NPHP4: variants seen among roughly 807,000 people sequenced by gnomAD.
NPHP4 encodes the protein nephrocystin 4, also known as nephrocystin-4.
NPHP4 carries 151 observed loss-of-function variants against 155.8 expected under a neutral mutation model. The ratio of observed to expected loss-of-function variants is 0.97; its 90% confidence interval spans 0.85 to 1.11. NPHP4 has a LOEUF of 1.11. Among genes scored for constraint, NPHP4 ranks in the 50% least tolerant of loss-of-function variants. The pLI, the probability that NPHP4 is intolerant of heterozygous loss-of-function variation, is 0.00. For synonymous variants in NPHP4, 845 were observed against 816.8 expected (o/e 1.03, Z -0.59); for missense variants, 1,956 against 1,925.7 (o/e 1.02, Z -0.29).
intron 7 of NPHP4, among the ~76,000 whole-genome samples, chr1:5,950,474 T>C (rs1350895095): frequency 1.3e-5 from 2 of 152,186 alleles, no homozygotes; most frequent in African/African-American, 4.8e-5. Context: ...CAGCTCCAGG[T>C]AAGGGATCTT....
chr1:5,875,487 T>C (rs1239601829), intron 20 of NPHP4, among the ~76,000 whole-genome samples: 3 of 152,116 alleles, frequency 2.0e-5, no homozygotes, highest in East Asian at 1.9e-4. Flanking sequence ...CAACACAACT[T>C]TGGGAGCCCT....
intron 23 of NPHP4, among the ~76,000 whole-genome samples, chr1:5,870,096 A>G (rs1557602993): frequency 6.6e-6 from 1 of 152,238 alleles, no homozygotes; most frequent in African/African-American, 2.4e-5. Flanking sequence ...TACTGAGTAC[A>G]TCTAACGCTC....
At chr1:5,962,923 C>A (rs927269905) in intron 5 of NPHP4, among the ~76,000 whole-genome samples, 1 of 152,164 alleles carries the variant, frequency 6.6e-6, no homozygotes, top group South Asian at 2.1e-4. Context: ...CTTGCTCGGG[C>A]CTGATTTTCT....
rs1264962797 is a variant in NPHP4, at chr1:5,909,008, G to C, written c.1503+144C>G. ...CAGGCTGCACAGACAGGGTAGGAGGGGACAGCCCCGCCGCCGCCAGCAGGC... is the reference window on the plus strand; with the variant it reads ...CAGGCTGCACAGACAGGGTAGGAGGCGACAGCCCCGCCGCCGCCAGCAGGC... On this transcript the variant is annotated intron_variant, in intron 12 of 29. Coordinates refer to ENST00000378156, the MANE Select transcript of NPHP4 (RefSeq NM_015102.5). 10 of 732,134 alleles carry C rather than the reference G, an allele frequency of 1.4e-5. No homozygotes were observed. The East Asian group carries it at 2.7e-4, about 20-fold the overall frequency. The allele number at this position is 732,134 out of a possible 1,614,324, so 45.4% of individuals were successfully genotyped here.
rs1248417342 is a variant in NPHP4 at position 5,905,746 on chromosome 1, T to C, written c.1649A>G (p.Glu550Gly). ...FPLEAGISHLEADLSQTSLVL... is the reference protein window; with the variant it reads ...FPLEAGISHLGADLSQTSLVL... ...CAGGGAGGTCTGGCTCAGGTCGGCT[T>C]CCAGGTGGGAGATACCGGCCTCCAA... The change falls in exon 14 of 30, where the codon GAA (glutamate) becomes GGA (glycine). Residue 550 changes from glutamate to glycine, a missense_variant. Coordinates refer to ENST00000378156, the MANE Select transcript of NPHP4 (RefSeq NM_015102.5). This position sits in a 1 kb window ranked among gnomAD's most constrained non-coding sequence, Gnocchi z 4.0. 6.2e-7 allele frequency: 1 copy of C among 1,612,536 alleles called. No individual in the cohort carries two copies. Among genetic ancestry groups the C allele is most frequent in the South Asian group, 1.1e-5 (1 of 90,736 alleles).
At chr1:5,988,642 T>A (rs1040827066) in intron 1 of NPHP4, among the ~76,000 whole-genome samples, 1 of 152,276 alleles carries the variant, frequency 6.6e-6, no homozygotes, top group Non-Finnish European at 1.5e-5. Context: ...TAAAGGGATC[T>A]GAGACCAAAA....
chr1:5,916,068 AT>A (rs1458030014), intron 11 of NPHP4, among the ~76,000 whole-genome samples: 2 of 152,208 alleles, frequency 1.3e-5, no homozygotes, highest in Non-Finnish European at 2.9e-5. Flanking sequence ...TTTCAAATCT[AT>A]TAAGCAAACA....
In NPHP4 at chr1:5,880,178, G is replaced by C. The variant is rs2100735068; in HGVS notation, c.2547C>G (p.Val849=). The change falls in exon 19 of 30, where the codon GTC becomes GTG. Residue 849 remains valine (V), a synonymous_variant. Transcript: ENST00000378156. ...AGCGGCTGGCTCCATCGTTTGAGATGACCCGAGATCTGGACGGTGGCAATG... is the reference window on the plus strand; with the variant it reads ...AGCGGCTGGCTCCATCGTTTGAGATCACCCGAGATCTGGACGGTGGCAATG... ...CSTLPPSRSR[V]ISNDGASRFS... The C allele has an allele frequency of 1.2e-6, 2 of 1,613,670 alleles. No individual in the cohort carries two copies. The highest frequency in any genetic ancestry group is 2.2e-5 in the South Asian group (2 of 90,988).
chr1:5,867,595 A>T lies in NPHP4; in HGVS notation c.3472+145T>A. 1 of 792,872 alleles carries T rather than the reference A, an allele frequency of 1.3e-6. No homozygotes were observed. Among genetic ancestry groups the T allele is most frequent in the East Asian group, 2.7e-5 (1 of 37,182 alleles). 49.1% of individuals were successfully genotyped at this position (792,872 alleles called of 1,614,324 possible). A position where few individuals can be genotyped will look rare whatever the true frequency, so the allele number is the denominator to read the frequency against. On this transcript the variant is annotated intron_variant, in intron 24 of 29. Coordinates refer to ENST00000378156, the MANE Select transcript of NPHP4 (RefSeq NM_015102.5). The surrounding 1 kb of genome is among the most constrained non-coding windows in gnomAD (Gnocchi z 4.1). ...GGACACCGTTTCAAACCATAAAGGC[A>T]GGAGAGAGAATTCCCCAGGCCCCAC... is the stretch of plus-strand genomic sequence containing the variant.
chr1:5,969,107 G>A lies in NPHP4; in HGVS notation c.432C>T (p.Ile144=), dbSNP rs1466853849. The A allele has an allele frequency of 6.4e-7, 1 of 1,550,642 alleles. No homozygotes were observed. The highest frequency in any genetic ancestry group is 1.2e-5 in the South Asian group (1 of 84,030). ...RIFSNQPDSP[I]SASQDKRLRL... ...GGTACCTTTTGTCCTGGGAAGCAGA[G>A]ATAGGAGAGTCCGGCTGGTTGCTGA... Residue 144 remains isoleucine (I), a synonymous_variant, in exon 4 of 30, where the codon ATC becomes ATT. Coordinates refer to ENST00000378156, the MANE Select transcript of NPHP4 (RefSeq NM_015102.5).
chr1:5,905,454 A>C lies in NPHP4; in HGVS notation c.1793T>G (p.Met598Arg). ...SSAGQPSRASMVLLQSSGFPE... is the reference protein window; with the variant it reads ...SSAGQPSRASRVLLQSSGFPE... Reference sequence around the variant, plus strand: ...AAAGCCGGAGGACTGCAGGAGCACCATGGAGGCTCTCGAGGGCTGCCCTGC... The same window carrying C: ...AAAGCCGGAGGACTGCAGGAGCACCCTGGAGGCTCTCGAGGGCTGCCCTGC... The change falls in exon 15 of 30, where the codon ATG becomes AGG. Residue 598 changes from methionine to arginine, a missense_variant. By Grantham distance (91) the Met-to-Arg change is moderately conservative. Transcript: ENST00000378156. The surrounding 1 kb of genome is among the most constrained non-coding windows in gnomAD (Gnocchi z 4.0). 6.2e-7 allele frequency: 1 copy of C among 1,607,744 alleles called. No homozygotes were observed. Among genetic ancestry groups the C allele is most frequent in the Non-Finnish European group, 8.5e-7 (1 of 1,174,668 alleles).
At chr1:5,979,665 G>C (rs902866624) in intron 2 of NPHP4, among the ~76,000 whole-genome samples, 9 of 152,172 alleles carry the variant, frequency 5.9e-5, no homozygotes, top group African/African-American at 1.9e-4. Context: ...TGGGACCACA[G>C]GTGCACTCCA....
At chr1:5,965,134 T>C (rs929517060) in intron 5 of NPHP4, among the ~76,000 whole-genome samples, 3 of 151,526 alleles carry the variant, frequency 2.0e-5, no homozygotes, top group African/African-American at 7.3e-5. Flanking sequence ...GGTCTCACTA[T>C]GTTGCCCACG....
At chr1:5,964,937 A>ATTTTTTTTTTTTTTT (rs1400602210) in intron 5 of NPHP4, among the ~76,000 whole-genome samples, 39 of 54,928 alleles carry the variant, frequency 7.1e-4, no homozygotes, top group African/African-American at 1.7e-3. Context: ...ATATATATAT[A>ATTTTTTTTTTTTTTT]TATATTTTTT....
intron 11 of NPHP4, among the ~76,000 whole-genome samples, chr1:5,921,410 C>T (rs1429042024): frequency 6.6e-6 from 1 of 152,230 alleles, no homozygotes; most frequent in Non-Finnish European, 1.5e-5. Context: ...TACAAAATCA[C>T]TCTTCAAAGC....
chr1:5,890,359 G>C lies in NPHP4; in HGVS notation c.2304+509C>G, dbSNP rs1382504964. On this transcript the variant is annotated intron_variant, in intron 17 of 29. Transcript: ENST00000378156. This position sits in a 1 kb window ranked among gnomAD's most constrained non-coding sequence, Gnocchi z 4.9. ...GGGAAGAATTCCAGGGAAGACGAGT[G>C]AAAGAATCCATGGATTTAGGTTTTA... 6.6e-6 allele frequency among the ~76,000 whole-genome samples: 1 copy of C among 152,136 alleles called. No individual in the cohort carries two copies. Among genetic ancestry groups the C allele is most frequent in the African/African-American group, 2.4e-5 (1 of 41,430 alleles).
intron 16 of NPHP4, among the ~76,000 whole-genome samples, chr1:5,904,162 CAG>C (rs2101112448): frequency 6.6e-6 from 1 of 152,292 alleles, no homozygotes; most frequent in East Asian, 1.9e-4. Context: ...CAACTGCAGA[CAG>C]AGACTGAAGA....
chr1:5,873,612 C>T (rs1214150616), intron 22 of NPHP4: 4 of 531,820 alleles, frequency 7.5e-6, no homozygotes, highest in Admixed American at 3.5e-5. Context: ...ATCCCAAGAG[C>T]CAGCATGGCA....
At chr1:5,936,361 C>G (rs1437279376) in intron 9 of NPHP4, among the ~76,000 whole-genome samples, 1 of 152,134 alleles carries the variant, frequency 6.6e-6, no homozygotes, top group Non-Finnish European at 1.5e-5. Context: ...AGGAACTGCC[C>G]GAAAACCACC....
Sources: allele counts gnomAD v4.1 joint callset (sites outside exome capture counted in the v4.1 genomes callset), GRCh38; gene constraint gnomAD v4.1.1; non-coding constraint Gnocchi (gnomAD v3.1); transcripts MANE v1.5; gene names NCBI Gene and HGNC (gene_info 2026-07-23, HGNC 2026-07-21).